GALNTL6: variants seen among roughly 807,000 people sequenced by gnomAD.
The protein encoded by GALNTL6 is polypeptide N-acetylgalactosaminyltransferase-like 6.
A neutral mutation model predicts 73.7 loss-of-function variants in GALNTL6; 46 were observed. The ratio of observed to expected loss-of-function variants is 0.62; its 90% CI spans 0.49 to 0.80. The LOEUF is 0.80. GALNTL6 is among the 30% of genes least tolerant of loss of function. The pLI is 0.00. For synonymous variants in GALNTL6, 259 were observed against 263.7 expected, an observed-to-expected ratio of 0.98 and a Z score of 0.17; for missense variants, 604 against 755.0, an observed-to-expected ratio of 0.80 and a Z score of 2.34.
intron 9 of GALNTL6, among the ~76,000 whole-genome samples, chr4:172,948,556 G>T (rs1749282456): frequency 6.6e-6 from 1 of 151,346 alleles, no homozygotes; most frequent in Non-Finnish European, 1.5e-5. Context: ...GGGTTCAAGT[G>T]ATTCTCCTGC....
intron 9 of GALNTL6, among the ~76,000 whole-genome samples, chr4:172,948,119 A>C (rs888252554): frequency 5.3e-5 from 8 of 152,204 alleles, no homozygotes; most frequent in Non-Finnish European, 1.0e-4. Flanking sequence ...AATAATTGAC[A>C]CTTTAGAAAG....
chr4:172,190,567 G>A (rs542992992), intron 2 of GALNTL6, among the ~76,000 whole-genome samples: 25 of 152,204 alleles, frequency 1.6e-4, no homozygotes, highest in African/African-American at 5.5e-4. Context: ...GAGACCAATG[G>A]CAGAAGTAAA....
At chr4:172,817,966 G>C (rs755302609) in intron 7 of GALNTL6, among the ~76,000 whole-genome samples, 12 of 152,170 alleles carry the variant, frequency 7.9e-5, no homozygotes, top group Non-Finnish European at 1.6e-4. Flanking sequence ...AAATATTTGA[G>C]AATAGTTGCC....
At chr4:172,982,844 T>C (rs1345087303) in intron 10 of GALNTL6, among the ~76,000 whole-genome samples, 2 of 152,196 alleles carry the variant, frequency 1.3e-5, no homozygotes, top group Admixed American at 6.5e-5. Flanking sequence ...AGATGAGGTA[T>C]AAATCCAATG....
chr4:172,568,188 TG>T (rs1358031319), intron 5 of GALNTL6, among the ~76,000 whole-genome samples: 10 of 152,184 alleles, frequency 6.6e-5, no homozygotes, highest in Admixed American at 2.6e-4. Context: ...GTCTCCTCAG[TG>T]GCAATTTGAA....
chr4:171,864,278 A>G (rs906339433), intron 2 of GALNTL6, among the ~76,000 whole-genome samples: 1 of 152,202 alleles, frequency 6.6e-6, no homozygotes, highest in Non-Finnish European at 1.5e-5. Flanking sequence ...TTAAATTGGG[A>G]GAAACAGTGG....
intron 10 of GALNTL6, among the ~76,000 whole-genome samples, chr4:172,980,753 C>A (rs1369871421): frequency 1.3e-5 from 2 of 152,180 alleles, no homozygotes; most frequent in African/African-American, 4.8e-5. Flanking sequence ...GCCGTATCTT[C>A]AAATACACTT....
intron 12 of GALNTL6, among the ~76,000 whole-genome samples, chr4:173,028,825 T>G (rs1428416756): frequency 6.6e-6 from 1 of 152,208 alleles, no homozygotes; most frequent in Non-Finnish European, 1.5e-5. Context: ...GGGGTTCTTA[T>G]AATTTAACTT....
chr4:172,004,762 G>A (rs1373629807), intron 2 of GALNTL6, among the ~76,000 whole-genome samples: 1 of 5,876 alleles, frequency 1.7e-4, no homozygotes, highest in Non-Finnish European at 1.3e-3. Context: ...AAAATCAGAT[G>A]CCCAATTACT....
rs773238920 is a variant in GALNTL6, at chr4:171,814,759, G to A, written c.138+41G>A. 3.1e-6 allele frequency: 5 copies of A among 1,605,888 alleles called. 1 individual carries two copies. The highest frequency in any genetic ancestry group is 2.7e-5 in the African/African-American group (2 of 74,814). On this transcript the variant is annotated intron_variant, in intron 2 of 12. Transcript: ENST00000506823. ...AGAAAGATCACACAAGGATTGGTAAGGCAGTGATCCTCGCGCGGGGACTCG... is the reference window on the plus strand; with the variant it reads ...AGAAAGATCACACAAGGATTGGTAAAGCAGTGATCCTCGCGCGGGGACTCG...
At chr4:172,797,510 G>A (rs530005391) in intron 5 of GALNTL6, among the ~76,000 whole-genome samples, 1 of 152,200 alleles carries the variant, frequency 6.6e-6, no homozygotes, top group Non-Finnish European at 1.5e-5. Flanking sequence ...CTCCCAAAGT[G>A]CTAGGGTTAC....
chr4:172,134,251 G>C (rs907312469), intron 2 of GALNTL6, among the ~76,000 whole-genome samples: 1 of 152,084 alleles, frequency 6.6e-6, no homozygotes, highest in African/African-American at 2.4e-5. Context: ...TGGGCATGGT[G>C]GCGGGCGCCT....
intron 2 of GALNTL6, among the ~76,000 whole-genome samples, chr4:171,830,428 A>G (rs1475673969): frequency 2.6e-5 from 4 of 152,162 alleles, no homozygotes; most frequent in African/African-American, 9.7e-5. Context: ...CTTGATAAAT[A>G]TTTCTTGAAA....
intron 4 of GALNTL6, among the ~76,000 whole-genome samples, chr4:172,338,186 T>C (rs972209048): frequency 2.0e-5 from 3 of 152,182 alleles, no homozygotes; most frequent in African/African-American, 7.2e-5. Context: ...GGAAGTTTAT[T>C]TGTGTTGATT....
At chr4:172,487,250 T>C (rs337987) in intron 5 of GALNTL6, among the ~76,000 whole-genome samples, 9 of 149,828 alleles carry the variant, frequency 6.0e-5, no homozygotes, top group South Asian at 2.1e-4. Flanking sequence ...TTTCTTTCTT[T>C]CTTCCTTCCT....
intron 2 of GALNTL6, among the ~76,000 whole-genome samples, chr4:171,925,521 G>A (rs1015735514): frequency 6.6e-6 from 1 of 152,134 alleles, no homozygotes; most frequent in Non-Finnish European, 1.5e-5. Flanking sequence ...AAGACATCCC[G>A]CTGAGATTTC....
At chr4:172,677,125 A>G (rs1203850953) in intron 5 of GALNTL6, among the ~76,000 whole-genome samples, 1 of 152,198 alleles carries the variant, frequency 6.6e-6, no homozygotes, top group Non-Finnish European at 1.5e-5. Context: ...CCTAATATTT[A>G]TCAGAAATAA....
chr4:172,847,420 G>GAA (rs1282589888), intron 7 of GALNTL6, among the ~76,000 whole-genome samples: 1 of 152,014 alleles, frequency 6.6e-6, no homozygotes, highest in Non-Finnish European at 1.5e-5. Context: ...GCACAAATGA[G>GAA]AAAGTTTGTA....
chr4:172,593,372 G>C (rs1379707494), intron 5 of GALNTL6, among the ~76,000 whole-genome samples: 1 of 152,088 alleles, frequency 6.6e-6, no homozygotes, highest in Non-Finnish European at 1.5e-5. Flanking sequence ...TTAGCTCTTA[G>C]GTCAATAGTT....
Sources: gnomAD v4.1 joint callset for allele counts (sites outside exome capture counted in the v4.1 genomes callset) on GRCh38, gnomAD v4.1.1 for gene constraint, MANE v1.5 for transcripts, NCBI Gene and HGNC (gene_info 2026-07-23, HGNC 2026-07-21) for gene names.